Variants in LRP1B observed in about 807,000 individuals in gnomAD.
The protein encoded by LRP1B is low-density lipoprotein receptor-related protein 1B.
In LRP1B, 217 loss-of-function variants were observed where a neutral mutation model predicts 556.6. The observed-to-expected ratio is 0.39, with a 90% CI of 0.35 to 0.44. LRP1B has a LOEUF of 0.44. LRP1B is among the 20% of genes least tolerant of loss of function. The probability of loss-of-function intolerance (pLI) is 1.00; values close to 1 mark genes in which losing one functional copy is unlikely to be tolerated. For synonymous variants in LRP1B, 2,047 were observed against 1,865.8 expected (o/e 1.10, Z -2.50); for missense variants, 5,053 against 5,620.8 (o/e 0.90, Z 3.23).
At chr2:140,319,156 A>G (rs988129747) in intron 82 of LRP1B, among the ~76,000 whole-genome samples, 14 of 151,394 alleles carry the variant, frequency 9.2e-5, no homozygotes, top group Non-Finnish European at 1.6e-4. Flanking sequence ...CAAAGAGGAA[A>G]GGAGGAGGAT....
At chr2:141,926,726 A>G (rs1700342318) in intron 1 of LRP1B, among the ~76,000 whole-genome samples, 1 of 152,160 alleles carries the variant, frequency 6.6e-6, no homozygotes, top group South Asian at 2.1e-4. Context: ...ATTGGAATTA[A>G]TATGTATTTC....
intron 57 of LRP1B, among the ~76,000 whole-genome samples, chr2:140,492,010 C>G (rs1380833059): frequency 1.3e-5 from 2 of 152,152 alleles, no homozygotes; most frequent in African/African-American, 4.8e-5. Context: ...TTTGACCAAT[C>G]AGGAATGTGA....
At chr2:140,550,507 G>T (rs1430188424) in intron 43 of LRP1B, among the ~76,000 whole-genome samples, 5 of 152,114 alleles carry the variant, frequency 3.3e-5, no homozygotes, top group Non-Finnish European at 7.4e-5. Context: ...AATGACAAGA[G>T]AGTTCTTTCT....
chr2:142,085,521 CA>C (rs1208459187), intron 1 of LRP1B, among the ~76,000 whole-genome samples: 1 of 152,080 alleles, frequency 6.6e-6, no homozygotes, highest in Non-Finnish European at 1.5e-5. Flanking sequence ...TTATTATATA[CA>C]AACTTAAGGC....
intron 2 of LRP1B, among the ~76,000 whole-genome samples, chr2:141,497,012 C>T (rs1292228984): frequency 6.6e-6 from 1 of 151,920 alleles, no homozygotes; most frequent in East Asian, 1.9e-4. Context: ...TGCACATTAT[C>T]ATACATCAAG....
chr2:141,838,764 A>C (rs1230161829), intron 1 of LRP1B, among the ~76,000 whole-genome samples: 2 of 152,212 alleles, frequency 1.3e-5, no homozygotes, highest in Non-Finnish European at 2.9e-5. Context: ...CGCTGGATTG[A>C]AAACTCTTCA....
chr2:141,715,589 C>T (rs543591442), intron 2 of LRP1B, among the ~76,000 whole-genome samples: 4 of 152,086 alleles, frequency 2.6e-5, no homozygotes, highest in East Asian at 3.9e-4. Flanking sequence ...CTGAGGCAGC[C>T]GGATCACCTG....
At chr2:141,152,593 GA>G (rs759791376) in intron 7 of LRP1B, among the ~76,000 whole-genome samples, 2 of 151,716 alleles carry the variant, frequency 1.3e-5, no homozygotes, top group South Asian at 2.1e-4. Flanking sequence ...GCTCAGACAG[GA>G]AATATAAACA....
chr2:141,943,755 A>G (rs1342059566), intron 1 of LRP1B, among the ~76,000 whole-genome samples: 1 of 152,160 alleles, frequency 6.6e-6, no homozygotes, highest in East Asian at 1.9e-4. Context: ...TTGAAGTAGA[A>G]TAGAAGAGTC....
chr2:140,555,260 T>C (rs1558965069), intron 43 of LRP1B, among the ~76,000 whole-genome samples: 1 of 151,528 alleles, frequency 6.6e-6, no homozygotes, highest in Non-Finnish European at 1.5e-5. Context: ...AGATGCTAGA[T>C]TACAAGTCAA....
chr2:141,958,760 T>G (rs532369888), intron 1 of LRP1B, among the ~76,000 whole-genome samples: 2 of 152,154 alleles, frequency 1.3e-5, no homozygotes, highest in African/African-American at 4.8e-5. Flanking sequence ...TTCTTGCTGT[T>G]ATATCTGAAT....
chr2:141,142,589 GT>G (rs1251836364), intron 7 of LRP1B, among the ~76,000 whole-genome samples: 1 of 152,042 alleles, frequency 6.6e-6, no homozygotes, highest in African/African-American at 2.4e-5. Flanking sequence ...AGAAAAAATA[GT>G]TTTTTTATAT....
intron 41 of LRP1B, among the ~76,000 whole-genome samples, chr2:140,686,926 TA>T (rs1048799272): frequency 2.0e-4 from 30 of 151,772 alleles, no homozygotes; most frequent in African/African-American, 6.5e-4. Context: ...AGTTTGGTAT[TA>T]AAAAAAATGG....
In LRP1B at chr2:140,398,519, T is replaced by TTTGTTGTTG. The variant is rs6146936; in HGVS notation, c.10415-12519_10415-12511dup. On this transcript the variant is annotated intron_variant, in intron 66 of 90. Coordinates refer to ENST00000389484, the MANE Select transcript of LRP1B (RefSeq NM_018557.3). The stretch of plus-strand genomic sequence containing the variant: ...TTCTGTTTTTTCTCTTTCTTTCTCT[T>TTTGTTGTTG]TTGTTGTTGTTGTTGTTTTTGTTTT... Among the ~76,000 whole-genome samples, 177 of 151,306 alleles carry TTTGTTGTTG rather than the reference T, an allele frequency of 1.2e-3. 3 individuals carry two copies. Among genetic ancestry groups the TTTGTTGTTG allele is most frequent in the African/African-American group, 3.7e-3 (154 of 41,134 alleles).
intron 32 of LRP1B, among the ~76,000 whole-genome samples, chr2:140,783,262 T>G (rs1269153638): frequency 3.3e-5 from 5 of 152,122 alleles, no homozygotes; most frequent in Non-Finnish European, 7.4e-5. Flanking sequence ...TTGAGATCCA[T>G]GACTTAAAAT....
At chr2:141,261,344 A>G (rs1018517866) in intron 3 of LRP1B, among the ~76,000 whole-genome samples, 2 of 152,050 alleles carry the variant, frequency 1.3e-5, no homozygotes, top group African/African-American at 4.8e-5. Flanking sequence ...ATTTTTTTCT[A>G]TTTTTGGTAT....
rs1681933853 is a variant in LRP1B at position 140,351,011 on chromosome 2, G to A, written c.11678C>T (p.Ala3893Val). The part of the protein sequence containing the change: ...EGSEDQVLYI[A>V]NDTDILGFIY... ...AAAACCCAGGATATCAGTGTCATTA[G>A]CAATGTAGAGAACTTGATCTTCAGA... Residue 3893 changes from alanine to valine, a missense_variant, in exon 77 of 91, where the codon GCT becomes GTT. Ala to Val is a moderately conservative substitution (Grantham distance 64). Transcript: ENST00000389484. 2.5e-6 allele frequency: 4 copies of A among 1,594,582 alleles called. No individual in the cohort carries two copies. Among genetic ancestry groups the A allele is most frequent in the Non-Finnish European group, 3.4e-6 (4 of 1,165,574 alleles).
intron 3 of LRP1B, among the ~76,000 whole-genome samples, chr2:141,427,418 A>G (rs1350896253): frequency 6.6e-6 from 1 of 152,194 alleles, no homozygotes; most frequent in East Asian, 1.9e-4. Flanking sequence ...GAATAGAAGA[A>G]TATGATGCTT....
chr2:140,715,137 A>C (rs568747350), intron 37 of LRP1B, among the ~76,000 whole-genome samples: 1 of 152,216 alleles, frequency 6.6e-6, no homozygotes, highest in Non-Finnish European at 1.5e-5. Flanking sequence ...GAGTAACAGG[A>C]GTTTCAGACT....
Sources: allele counts gnomAD v4.1 joint callset (sites outside exome capture counted in the v4.1 genomes callset), GRCh38; gene constraint gnomAD v4.1.1; transcripts MANE v1.5; gene names NCBI Gene and HGNC (gene_info 2026-07-23, HGNC 2026-07-21).